Variants in GMDS observed in about 807,000 individuals in gnomAD.
GMDS encodes GDP-mannose 4,6 dehydratase.
Under a neutral mutation model 49.9 loss-of-function variants are expected in GMDS, and 20 were observed. That is an observed-to-expected ratio of 0.40 (90% confidence interval 0.28 to 0.58). The LOEUF (loss-of-function observed/expected upper bound fraction) is 0.58, where lower values mean the gene tolerates loss of function less well. GMDS is among the 20% of genes least tolerant of loss of function. The pLI is 0.42. For synonymous variants in GMDS, 177 were observed against 178.6 expected, an observed-to-expected ratio of 0.99 and a Z score of 0.07; for missense variants, 362 against 481.4, an observed-to-expected ratio of 0.75 and a Z score of 2.32.
chr6:2,139,416 A>C (rs1776169775), intron 1 of GMDS, among the ~76,000 whole-genome samples: 2 of 152,242 alleles, frequency 1.3e-5, no homozygotes, highest in South Asian at 4.1e-4. Flanking sequence ...ACTGTGTTTA[A>C]CAGAAATATA....
chr6:1,629,106 A>T (rs1470954997), intron 9 of GMDS, among the ~76,000 whole-genome samples: 1 of 152,244 alleles, frequency 6.6e-6, no homozygotes, highest in Admixed American at 6.5e-5. Flanking sequence ...ATAGTTGAGA[A>T]TAAGACTGGG....
chr6:1,880,520 C>G (rs1759313201), intron 7 of GMDS, among the ~76,000 whole-genome samples: 1 of 152,078 alleles, frequency 6.6e-6, no homozygotes, highest in Non-Finnish European at 1.5e-5. Context: ...GCTTACTACT[C>G]TTGTTTAACT....
At chr6:2,050,055 A>C (rs1359866072) in intron 4 of GMDS, among the ~76,000 whole-genome samples, 1 of 152,214 alleles carries the variant, frequency 6.6e-6, no homozygotes, top group Non-Finnish European at 1.5e-5. Flanking sequence ...ACATAGAGAC[A>C]CAAAAAACCC....
chr6:1,832,773 AC>A (rs151240915), intron 7 of GMDS, among the ~76,000 whole-genome samples: 4,796 of 152,310 alleles, frequency 0.031, 256 homozygotes, highest in African/African-American at 0.11. Context: ...ATATCTGCAA[AC>A]TGCCTATAAG....
intron 1 of GMDS, among the ~76,000 whole-genome samples, chr6:2,150,115 T>C (rs1036963364): frequency 6.6e-6 from 1 of 152,182 alleles, no homozygotes; most frequent in African/African-American, 2.4e-5. Context: ...ACTCATTCCA[T>C]CTAGTACGTA....
At chr6:1,669,027 C>T (rs1473206033) in intron 9 of GMDS, among the ~76,000 whole-genome samples, 2 of 152,198 alleles carry the variant, frequency 1.3e-5, no homozygotes, top group African/African-American at 4.8e-5. Flanking sequence ...TATGTCAGTA[C>T]TGTTTTCACT....
chr6:1,877,038 G>C (rs540404250), intron 7 of GMDS, among the ~76,000 whole-genome samples: 1 of 152,330 alleles, frequency 6.6e-6, no homozygotes, highest in Middle Eastern at 3.4e-3. Flanking sequence ...GTGGACAGCA[G>C]GGTAAGACTT....
intron 1 of GMDS, among the ~76,000 whole-genome samples, chr6:2,206,061 C>T (rs1023022324): frequency 6.6e-6 from 1 of 152,086 alleles, no homozygotes; most frequent in Non-Finnish European, 1.5e-5. Flanking sequence ...GAGTTCGAGA[C>T]CAGCCTGACC....
intron 1 of GMDS, among the ~76,000 whole-genome samples, chr6:2,242,267 G>A (rs1372375634): frequency 6.6e-6 from 1 of 152,222 alleles, no homozygotes; most frequent in Non-Finnish European, 1.5e-5. Flanking sequence ...ATCTCCAAGA[G>A]TGCAGTAAAG....
chr6:2,059,657 G>GAGA (rs1027902710), intron 4 of GMDS, among the ~76,000 whole-genome samples: 2 of 112,302 alleles, frequency 1.8e-5, no homozygotes, highest in Non-Finnish European at 3.4e-5. Flanking sequence ...GCAGTGAGCC[G>GAGA]AGATCGCACC....
intron 6 of GMDS, among the ~76,000 whole-genome samples, chr6:1,952,434 T>C (rs1015147578): frequency 1.3e-5 from 2 of 152,150 alleles, no homozygotes; most frequent in Non-Finnish European, 2.9e-5. Context: ...GAAGAGCTAA[T>C]GAGCGTGCAT....
At chr6:1,705,744 G>A (rs145301280) in intron 9 of GMDS, among the ~76,000 whole-genome samples, 1 of 152,184 alleles carries the variant, frequency 6.6e-6, no homozygotes, top group East Asian at 1.9e-4. Flanking sequence ...GGAAGCTGGA[G>A]GACTTTCCAG....
intron 8 of GMDS, among the ~76,000 whole-genome samples, chr6:1,729,360 T>C (rs1001950672): frequency 6.6e-6 from 1 of 151,920 alleles, no homozygotes; most frequent in African/African-American, 2.4e-5. Context: ...CTGAACGCTG[T>C]CTGCTGAACT....
rs368064462 is a variant in GMDS, at chr6:1,655,463, C to A, written c.988-30923G>T. On this transcript the variant is annotated intron_variant, in intron 9 of 10. Coordinates refer to ENST00000380815, the MANE Select transcript of GMDS (RefSeq NM_001500.4). The stretch of plus-strand genomic sequence containing the variant: ...ATATTTACATTAGTTTTTTTCCTTA[C>A]GTTTGAAAGCCTTACACACACACAC... Among the ~76,000 whole-genome samples, 28 of 146,738 alleles carry A rather than the reference C, an allele frequency of 1.9e-4. 1 individual carries two copies. In the East Asian group the frequency reaches 2.5e-3, roughly 13 times the overall value.
intron 9 of GMDS, among the ~76,000 whole-genome samples, chr6:1,698,713 C>T (rs1169733446): frequency 6.6e-6 from 1 of 151,276 alleles, no homozygotes; most frequent in Non-Finnish European, 1.5e-5. Flanking sequence ...CCAGTGCCCA[C>T]GTGTGCGCGA....
intron 4 of GMDS, among the ~76,000 whole-genome samples, chr6:1,972,423 C>T (rs1232316466): frequency 6.6e-6 from 1 of 151,792 alleles, no homozygotes; most frequent in Non-Finnish European, 1.5e-5. Context: ...GAAAATGGCA[C>T]CAGAAGTAAC....
chr6:2,090,263 T>A (rs1773241077), intron 4 of GMDS, among the ~76,000 whole-genome samples: 1 of 152,210 alleles, frequency 6.6e-6, no homozygotes, highest in Non-Finnish European at 1.5e-5. Context: ...ACAAAAAGTG[T>A]TGTGGTCAGC....
At chr6:1,666,327 G>GT (rs1373797792) in intron 9 of GMDS, among the ~76,000 whole-genome samples, 1 of 150,252 alleles carries the variant, frequency 6.7e-6, no homozygotes, top group Non-Finnish European at 1.5e-5. Context: ...GTGGGCTAGG[G>GT]TTCCTCTCCT....
chr6:1,892,728 A>T (rs1759930166), intron 7 of GMDS, among the ~76,000 whole-genome samples: 1 of 152,152 alleles, frequency 6.6e-6, no homozygotes, highest in Non-Finnish European at 1.5e-5. Context: ...ACAGACACAA[A>T]TTTATCAGGG....
Sources: allele counts gnomAD v4.1 joint callset (sites outside exome capture counted in the v4.1 genomes callset), GRCh38; gene constraint gnomAD v4.1.1; transcripts MANE v1.5; gene names NCBI Gene and HGNC (gene_info 2026-07-23, HGNC 2026-07-21).